MED13L: variants seen among roughly 807,000 people sequenced by gnomAD.
The protein encoded by MED13L is mediator of RNA polymerase II transcription subunit 13-like.
In MED13L, 7 loss-of-function variants were observed where a neutral mutation model predicts 220.9. The observed-to-expected ratio is 0.03, with a 90% CI of 0.02 to 0.06. The LOEUF (loss-of-function observed/expected upper bound fraction) is 0.06, where lower values mean the gene tolerates loss of function less well. MED13L is among the 10% of genes least tolerant of loss of function. The pLI is 1.00. For synonymous variants in MED13L, 1,011 were observed against 1,015.2 expected, an observed-to-expected ratio of 1.00 and a Z score of 0.08; for missense variants, 1,965 against 2,760.5, an observed-to-expected ratio of 0.71 and a Z score of 6.46.
At chr12:116,049,287 A>G (rs1882015826) in intron 4 of MED13L, among the ~76,000 whole-genome samples, 1 of 152,250 alleles carries the variant, frequency 6.6e-6, no homozygotes, top group South Asian at 2.1e-4. Flanking sequence ...CTCATAAACC[A>G]TTATGGATGA....
At chr12:116,169,733 G>A (rs1238995063) in intron 2 of MED13L, among the ~76,000 whole-genome samples, 1 of 152,198 alleles carries the variant, frequency 6.6e-6, no homozygotes, top group Non-Finnish European at 1.5e-5. Flanking sequence ...ATCAAGCCAG[G>A]TGTGTTGGCC....
intron 14 of MED13L, among the ~76,000 whole-genome samples, chr12:116,001,129 C>T (rs1034558513): frequency 9.9e-5 from 15 of 152,098 alleles, no homozygotes; most frequent in South Asian, 4.1e-4. Context: ...TGTGAAATTG[C>T]ACATGTGGCT....
chr12:116,154,100 GCTAA>G (rs1394620646), intron 2 of MED13L, among the ~76,000 whole-genome samples: 1 of 152,166 alleles, frequency 6.6e-6, no homozygotes, highest in Non-Finnish European at 1.5e-5. Context: ...GAAATGCTGT[GCTAA>G]CTGATTTCCA....
chr12:116,003,237 A>C, intron 13 of MED13L, 135 bp from the exon 14 acceptor site: 2 of 730,630 alleles, frequency 2.7e-6, no homozygotes, highest in Non-Finnish European at 4.8e-6. Flanking sequence ...TAGAAATACC[A>C]ACAGATAGTG....
intron 14 of MED13L, among the ~76,000 whole-genome samples, chr12:115,997,674 G>A (rs1043250975): frequency 1.1e-4 from 16 of 152,296 alleles, no homozygotes; most frequent in East Asian, 3.9e-4. Flanking sequence ...CGCCTGCCTC[G>A]TACTCCCCAA....
chr12:116,079,833 G>C (rs755942826), intron 4 of MED13L, among the ~76,000 whole-genome samples: 2 of 151,990 alleles, frequency 1.3e-5, no homozygotes, highest in Non-Finnish European at 2.9e-5. Flanking sequence ...CATAAATATT[G>C]ATAAGAATCC....
At chr12:116,238,150 T>C (rs1870273319) in intron 1 of MED13L, among the ~76,000 whole-genome samples, 2 of 152,200 alleles carry the variant, frequency 1.3e-5, no homozygotes, top group Admixed American at 1.3e-4. Flanking sequence ...GTTTAAGTCC[T>C]TTTTTAATTA....
intron 2 of MED13L, among the ~76,000 whole-genome samples, chr12:116,186,546 A>G (rs1016034654): frequency 1.3e-5 from 2 of 152,194 alleles, no homozygotes; most frequent in Admixed American, 6.5e-5. Flanking sequence ...TGTCACAGAA[A>G]TCCTGAGGTA....
intron 5 of MED13L, among the ~76,000 whole-genome samples, chr12:116,020,342 G>A (rs1417211402): frequency 2.0e-5 from 3 of 152,112 alleles, no homozygotes; most frequent in Non-Finnish European, 2.9e-5. Flanking sequence ...AGACAGCTAT[G>A]CTTTGAAGCA....
intron 2 of MED13L, among the ~76,000 whole-genome samples, chr12:116,165,025 T>G (rs958040921): frequency 6.6e-6 from 1 of 152,162 alleles, no homozygotes; most frequent in Non-Finnish European, 1.5e-5. Context: ...CTGCAATACA[T>G]GGTTAAGAAT....
intron 5 of MED13L, 28 bp from the exon 6 acceptor site, chr12:116,020,000 A>G: frequency 1.3e-6 from 2 of 1,586,316 alleles, no homozygotes; most frequent in Middle Eastern, 1.7e-4. Flanking sequence ...AATACATGCT[A>G]AACATTAGAG....
chr12:116,084,765 C>A (rs1871498817), intron 4 of MED13L, among the ~76,000 whole-genome samples: 1 of 150,384 alleles, frequency 6.6e-6, no homozygotes, highest in South Asian at 2.1e-4. Flanking sequence ...CAGAGCAGGA[C>A]CCTGTCGCCA....
chr12:116,145,340 T>C (rs964359061), intron 2 of MED13L, among the ~76,000 whole-genome samples: 1 of 152,206 alleles, frequency 6.6e-6, no homozygotes, highest in Non-Finnish European at 1.5e-5. Context: ...AAAAGCAACC[T>C]AGAACAGGTA....
chr12:116,229,437 CTT>C (rs540782715), intron 2 of MED13L, among the ~76,000 whole-genome samples: 1 of 152,088 alleles, frequency 6.6e-6, no homozygotes, highest in East Asian at 1.9e-4. Context: ...AAAATTATAA[CTT>C]TTTTTTACCA....
At chr12:116,026,441 C>G (rs1386022703) in intron 4 of MED13L, among the ~76,000 whole-genome samples, 1 of 152,104 alleles carries the variant, frequency 6.6e-6, no homozygotes, top group East Asian at 1.9e-4. Context: ...ACAGAAGCCA[C>G]CAGTAACTAT....
intron 4 of MED13L, among the ~76,000 whole-genome samples, chr12:116,089,667 C>T (rs533404292): frequency 6.6e-6 from 1 of 152,174 alleles, no homozygotes; most frequent in Non-Finnish European, 1.5e-5. Context: ...CTCGCCTACA[C>T]AGATGAACTG....
intron 2 of MED13L, among the ~76,000 whole-genome samples, chr12:116,187,145 T>A (rs914715133): frequency 6.6e-6 from 1 of 152,194 alleles, no homozygotes; most frequent in Non-Finnish European, 1.5e-5. Flanking sequence ...ACCTATAAAG[T>A]GAAATTTTGC....
At chr12:116,012,948 C>A (rs772189585) in intron 8 of MED13L, 47 bp from the exon 9 acceptor site, 44 of 1,342,632 alleles carry the variant, frequency 3.3e-5, no homozygotes, top group Middle Eastern at 3.6e-4. Context: ...AATACCCATA[C>A]CCCTGGGGAG....
chr12:116,233,628 C>T (rs1460214587), intron 2 of MED13L, among the ~76,000 whole-genome samples: 1 of 152,180 alleles, frequency 6.6e-6, no homozygotes, highest in Non-Finnish European at 1.5e-5. Flanking sequence ...GCAATAGTTA[C>T]AATTATAGAT....
Sources: gnomAD v4.1 joint callset for allele counts (sites outside exome capture counted in the v4.1 genomes callset) on GRCh38, gnomAD v4.1.1 for gene constraint, MANE v1.5 for transcripts, NCBI Gene and HGNC (gene_info 2026-07-23, HGNC 2026-07-21) for gene names.